The following CATSPERD variants were observed in gnomAD, a reference collection of about 807,000 sequenced individuals.
CATSPERD encodes cation channel sperm-associated auxiliary subunit delta.
In CATSPERD, 86 loss-of-function variants were observed where a neutral mutation model predicts 98.1. The ratio of observed to expected loss-of-function variants is 0.88; its 90% confidence interval spans 0.74 to 1.05. The LOEUF (loss-of-function observed/expected upper bound fraction) is 1.05. CATSPERD is among the 50% of genes least tolerant of loss of function. The probability of loss-of-function intolerance (pLI) is 0.00; values close to 1 mark genes in which losing one functional copy is unlikely to be tolerated. For synonymous variants in CATSPERD, 394 were observed against 390.2 expected (o/e 1.01, Z -0.12); for missense variants, 995 against 1,005.7 (o/e 0.99, Z 0.14).
chr19:5,767,082 C>T (rs1314422389), intron 17 of CATSPERD, among the ~76,000 whole-genome samples: 1 of 151,230 alleles, frequency 6.6e-6, no homozygotes, highest in East Asian at 2.0e-4. Flanking sequence ...CTTTGGGAGG[C>T]CGAGGCGGGT....
At chr19:5,723,967 ATATT>A (rs1367805391) in intron 1 of CATSPERD, among the ~76,000 whole-genome samples, 1 of 151,176 alleles carries the variant, frequency 6.6e-6, no homozygotes, top group Non-Finnish European at 1.5e-5. Context: ...CTAATTTTGT[ATATT>A]TAGTAGAGAC....
intron 9 of CATSPERD, among the ~76,000 whole-genome samples, chr19:5,746,862 A>G (rs547807402): frequency 2.0e-5 from 3 of 151,724 alleles, no homozygotes; most frequent in Non-Finnish European, 4.4e-5. Context: ...AGCTGTGCCG[A>G]GTCCTGATTG....
chr19:5,769,420 A>G (rs932543693), intron 18 of CATSPERD, among the ~76,000 whole-genome samples: 3 of 152,004 alleles, frequency 2.0e-5, no homozygotes, highest in East Asian at 1.9e-4. Context: ...GCTCCAAGCC[A>G]TTCATAGCTC....
chr19:5,765,323 G>A (rs1182865463), intron 16 of CATSPERD, among the ~76,000 whole-genome samples: 2 of 152,174 alleles, frequency 1.3e-5, no homozygotes, highest in East Asian at 3.8e-4. Context: ...TGAGAAGCAT[G>A]TCCCTAAGGC....
At chr19:5,740,691 G>A (rs779102414) in intron 7 of CATSPERD, among the ~76,000 whole-genome samples, 16 of 151,330 alleles carry the variant, frequency 1.1e-4, no homozygotes, top group Admixed American at 3.3e-4. Flanking sequence ...GCTTGAACCC[G>A]GGAGGCAGAA....
intron 20 of CATSPERD, among the ~76,000 whole-genome samples, chr19:5,774,889 C>T (rs1470492861): frequency 6.6e-6 from 1 of 152,044 alleles, no homozygotes; most frequent in Non-Finnish European, 1.5e-5. Flanking sequence ...TGATGGTACC[C>T]ACCTGTAGTT....
intron 8 of CATSPERD, among the ~76,000 whole-genome samples, 159 bp downstream of exon 8, chr19:5,744,669 C>T (rs1024419829): frequency 4.6e-5 from 7 of 151,434 alleles, no homozygotes; most frequent in African/African-American, 1.5e-4. Context: ...GGCGCAATCT[C>T]AGCTCACTGC....
chr19:5,737,116 C>T (rs975651998), intron 5 of CATSPERD, 22 bp from the exon 6 acceptor site: 1 of 1,537,006 alleles, frequency 6.5e-7, no homozygotes, highest in Non-Finnish European at 9.0e-7. Flanking sequence ...ATAAACATTT[C>T]AAAATTATAT....
chr19:5,741,800 G>GGGGGGGGGGGGGGAGGT (rs2055976568), intron 7 of CATSPERD, among the ~76,000 whole-genome samples: 1 of 75,746 alleles, frequency 1.3e-5, no homozygotes, highest in Non-Finnish European at 3.3e-5. Context: ...GGGGGGGGGT[G>GGGGGGGGGGGGGGAGGT]GTGTGGATCA....
chr19:5,763,084 T>C (rs912388095), intron 15 of CATSPERD, 131 bp from the exon 16 acceptor site: 2 of 668,496 alleles, frequency 3.0e-6, no homozygotes. Flanking sequence ...GTGGAATGAA[T>C]GGATGGAAGG....
In CATSPERD at chr19:5,778,551, T is replaced by C. The variant is rs2056773796; in HGVS notation, c.2272T>C (p.Cys758Arg). 2 of 1,613,842 alleles carry C rather than the reference T, an allele frequency of 1.2e-6. No homozygotes were observed. The highest frequency in any genetic ancestry group is 1.1e-5 in the South Asian group (1 of 91,078). Residue 758 changes from cysteine to arginine, a missense_variant, in exon 22 of 22, where the codon TGT (cysteine) becomes CGT (arginine). Physicochemically the swap from Cys to Arg is radical, Grantham distance 180 (BLOSUM62 -3). Coordinates refer to ENST00000381624, the MANE Select transcript of CATSPERD (RefSeq NM_152784.4). ...AGCACGCGGCCGCAGGATCAAGAAGTGTGCGACACAGCTGTGTAGGAGATG... is the reference window on the plus strand; with the variant it reads ...AGCACGCGGCCGCAGGATCAAGAAGCGTGCGACACAGCTGTGTAGGAGATG... Reference protein sequence around the residue: ...RTARGRRIKKCATQLCRRCKT... With the variant: ...RTARGRRIKKRATQLCRRCKT...
intron 7 of CATSPERD, 81 bp from the exon 8 acceptor site, chr19:5,744,346 A>T (rs1599542530): frequency 1.7e-6 from 2 of 1,180,762 alleles, no homozygotes; most frequent in Non-Finnish European, 2.5e-6. Context: ...ATTGTAACTT[A>T]TTAGATAATC....
Position 5,754,441 on chromosome 19 carries a change from T to C in CATSPERD, c.1278+196T>C, listed in dbSNP as rs2056286976. ...TGAGACAGAACCTCGCTCTGTCCAT[T>C]AGGCTGGAGTGCAGTGGCGTGATCT... On this transcript the variant is annotated intron_variant, in intron 13 of 21. Transcript: ENST00000381624. 2.2e-5 allele frequency among the ~76,000 whole-genome samples: 3 copies of C among 136,784 alleles called. No homozygotes were observed. In the Admixed American group the frequency reaches 2.6e-4, roughly 12 times the overall value. The allele number at this position is 136,784 out of a possible 152,430, so 89.7% of individuals were successfully genotyped here. A position where few individuals can be genotyped will look rare whatever the true frequency, so the allele number is the denominator to read the frequency against.
intron 18 of CATSPERD, among the ~76,000 whole-genome samples, chr19:5,769,067 T>C (rs2145853648): frequency 6.7e-6 from 1 of 149,620 alleles, no homozygotes; most frequent in East Asian, 2.0e-4. Context: ...GGCAGGAGAG[T>C]TGCTTGAAAC....
intron 7 of CATSPERD, among the ~76,000 whole-genome samples, chr19:5,741,785 C>CGGGGGGGGGGGGGGGG (rs762072689): frequency 1.6e-4 from 1 of 6,116 alleles, no homozygotes; most frequent in African/African-American, 3.9e-4. Flanking sequence ...ATGCTGAAGG[C>CGGGGGGGGGGGGGGGG]GGGGGGGGGG....
chr19:5,730,862 G>A (rs562878862), intron 4 of CATSPERD, among the ~76,000 whole-genome samples: 6 of 152,196 alleles, frequency 3.9e-5, no homozygotes, highest in Admixed American at 3.3e-4. Context: ...TTAGCTGGGC[G>A]TGGTGGCAGG....
chr19:5,741,275 TCTAA>T (rs753307621), intron 7 of CATSPERD, among the ~76,000 whole-genome samples: 33 of 152,220 alleles, frequency 2.2e-4, no homozygotes, highest in Admixed American at 4.6e-4. Flanking sequence ...AACTTCAGAC[TCTAA>T]CTGTCTTTGG....
rs965354710 is a variant in CATSPERD, at chr19:5,720,813, G to A, written c.71+5G>A. 1 of 1,597,572 alleles carries A rather than the reference G, an allele frequency of 6.3e-7. No individual in the cohort carries two copies. On this transcript the variant is annotated splice_donor_5th_base_variant and intron_variant, in intron 1 of 21. Transcript: ENST00000381624. ...GGTCACAGCTCAGCTCTGTCGGTGG[G>A]GCTGCCAGGACTCCTGGGGCTGGGG...
intron 6 of CATSPERD, among the ~76,000 whole-genome samples, chr19:5,738,764 T>C (rs2055898503): frequency 6.6e-6 from 1 of 152,090 alleles, no homozygotes; most frequent in African/African-American, 2.4e-5. Context: ...TTAGTACAGG[T>C]GGGGTTTCAC....
Sources: gnomAD v4.1 joint callset for allele counts (sites outside exome capture counted in the v4.1 genomes callset) on GRCh38, gnomAD v4.1.1 for gene constraint, MANE v1.5 for transcripts, NCBI Gene and HGNC (gene_info 2026-07-23, HGNC 2026-07-21) for gene names.